The following GTF3C3 variants were observed in gnomAD, a reference collection of about 807,000 sequenced individuals.
GTF3C3 encodes the protein general transcription factor 3C polypeptide 3.
A neutral mutation model predicts 105.2 loss-of-function variants in GTF3C3; 75 were observed. The ratio of observed to expected loss-of-function variants is 0.71; its 90% CI spans 0.59 to 0.86. The LOEUF is 0.86. GTF3C3 is among the 40% of genes least tolerant of loss of function. GTF3C3 has a pLI of 0.00. For missense variants in GTF3C3, 856 were observed against 1,076.5 expected (o/e 0.80, Z 2.87); for synonymous variants, 335 against 370.4 (o/e 0.90, Z 1.10).
At position 196,785,477 on chromosome 2, in the gene GTF3C3, T is replaced by G. The variant is rs762400738; in HGVS notation, c.1005A>C (p.Leu335=). 2.5e-6 allele frequency: 4 copies of G among 1,610,328 alleles called. No homozygotes were observed. In the Admixed American group the frequency reaches 5.0e-5, roughly 20 times the overall value. ...SMEDVNIAAE[L]YISNKQYDKA... Reference sequence around the variant, plus strand: ...TGTCATACTGTTTGTTAGAAATATATAGTTCAGCTGCTATGTTAACATCTT... The same window carrying G: ...TGTCATACTGTTTGTTAGAAATATAGAGTTCAGCTGCTATGTTAACATCTT... The change falls in exon 7 of 18, where the codon CTA becomes CTC. Residue 335 remains leucine (L), a synonymous_variant. Transcript: ENST00000263956.
In GTF3C3 at chr2:196,781,349, A is replaced by ATATATATATATAT. The variant is rs1226821935; in HGVS notation, c.1115-688_1115-687insATATATATATATA. On this transcript the variant is annotated intron_variant, in intron 8 of 17. Coordinates refer to ENST00000263956, the MANE Select transcript of GTF3C3 (RefSeq NM_012086.5). Reference sequence around the variant, plus strand: ...GATCAAAAATGTTAAGGGGAAAAAAAAAAAAAAAATATATATATATATATA... The same window carrying ATATATATATATAT: ...GATCAAAAATGTTAAGGGGAAAAAAATATATATATATATAAAAAAAAATATATATATATATATA... Among the ~76,000 whole-genome samples, 5 of 22,860 alleles carry ATATATATATATAT rather than the reference A, an allele frequency of 2.2e-4. No individual in the cohort carries two copies. In the East Asian group the frequency reaches 0.012, roughly 53 times the overall value. 15.0% of individuals were successfully genotyped at this position (22,860 alleles called of 152,430 possible).
rs1040754510 is a variant in GTF3C3 at position 196,786,966 on chromosome 2, A to G, written c.894-1378T>C. 6.6e-6 allele frequency among the ~76,000 whole-genome samples: 1 copy of G among 152,090 alleles called. No individual in the cohort carries two copies. Among genetic ancestry groups the G allele is most frequent in the Admixed American group, 6.6e-5 (1 of 15,256 alleles). On this transcript the variant is annotated intron_variant, in intron 6 of 17. Coordinates refer to ENST00000263956, the MANE Select transcript of GTF3C3 (RefSeq NM_012086.5). This position sits in a 1 kb window ranked among gnomAD's most constrained non-coding sequence, Gnocchi z 4.2. ...TCTTTCTTCAATTAAATTCTAGAAC[A>G]TCATGCTGTTCTCAGTTTCCTGCTA...
At position 196,781,342 on chromosome 2, in the gene GTF3C3, G is replaced by GAAAA. The variant is rs769914255; in HGVS notation, c.1115-684_1115-681dup. On this transcript the variant is annotated intron_variant, in intron 8 of 17. Transcript: ENST00000263956. Reference sequence around the variant, plus strand: ...AACTGCAGATCAAAAATGTTAAGGGGAAAAAAAAAAAAAAAATATATATAT... The same window carrying GAAAA: ...AACTGCAGATCAAAAATGTTAAGGGGAAAAAAAAAAAAAAAAAAAATATATATAT... Among the ~76,000 whole-genome samples, 18 of 31,452 alleles carry GAAAA rather than the reference G, an allele frequency of 5.7e-4. 1 individual carries two copies. Among genetic ancestry groups the GAAAA allele is most frequent in the African/African-American group, 7.2e-4 (6 of 8,346 alleles). The allele number at this position is 31,452 out of a possible 152,430, so 20.6% of individuals were successfully genotyped here.
Position 196,799,612 on chromosome 2 carries a change from G to A in GTF3C3, c.-1C>T. 1.2e-6 allele frequency: 2 copies of A among 1,600,898 alleles called. No homozygotes were observed. The highest frequency in any genetic ancestry group is 1.7e-6 in the Non-Finnish European group (2 of 1,167,954). On this transcript the variant is annotated 5_prime_UTR_variant, in exon 1 of 18. Coordinates refer to ENST00000263956, the MANE Select transcript of GTF3C3 (RefSeq NM_012086.5). ...TGAGTTCCGGACTGAACCCTGACAT[G>A]TTTACAGGGTCTGTCTGTGCAACCC...
intron 2 of GTF3C3, 148 bp downstream of exon 2, chr2:196,797,649 C>T: frequency 1.8e-6 from 1 of 560,636 alleles, no homozygotes; most frequent in South Asian, 2.5e-5. Context: ...ATTTATTGGG[C>T]ACCTACTATA....
intron 2 of GTF3C3, among the ~76,000 whole-genome samples, chr2:196,796,416 T>TA (rs1418000761): frequency 6.6e-6 from 1 of 152,178 alleles, no homozygotes; most frequent in African/African-American, 2.4e-5. Flanking sequence ...AGTAGCAACT[T>TA]AAACACCTGA....
Position 196,797,899 on chromosome 2 carries a change from C to G in GTF3C3, c.112G>C (p.Glu38Gln). The G allele has an allele frequency of 6.3e-7, 1 of 1,575,746 alleles. No individual in the cohort carries two copies. The highest frequency in any genetic ancestry group is 8.7e-7 in the Non-Finnish European group (1 of 1,145,110). The change falls in exon 2 of 18, where the codon GAA becomes CAA. Residue 38 changes from glutamate to glutamine, a missense_variant. By Grantham distance (29) the Glu-to-Gln change is conservative. Transcript: ENST00000263956. ...RKTREKKSLQ[E>Q]KGKLSAEENP... ...TCTTCAGCTGATAACTTGCCTTTTTCCTGAAGACTCTGTGATTGCAAATTA... is the reference window on the plus strand; with the variant it reads ...TCTTCAGCTGATAACTTGCCTTTTTGCTGAAGACTCTGTGATTGCAAATTA...
At chr2:196,793,780 A>C (rs1559306580) in intron 2 of GTF3C3, among the ~76,000 whole-genome samples, 2 of 152,352 alleles carry the variant, frequency 1.3e-5, no homozygotes, top group East Asian at 1.9e-4. Flanking sequence ...TATTTCAGGA[A>C]AAAAATAACA....
chr2:196,770,429 G>A (rs1023428233), intron 15 of GTF3C3, among the ~76,000 whole-genome samples: 2 of 152,176 alleles, frequency 1.3e-5, no homozygotes, highest in African/African-American at 4.8e-5. Context: ...CAACTGATCT[G>A]TTTTATAAAT....
chr2:196,786,824 C>T lies in GTF3C3; in HGVS notation c.894-1236G>A, dbSNP rs1699459833. 6.6e-6 allele frequency among the ~76,000 whole-genome samples: 1 copy of T among 152,086 alleles called. No homozygotes were observed. The highest frequency in any genetic ancestry group is 2.4e-5 in the African/African-American group (1 of 41,396). On this transcript the variant is annotated intron_variant, in intron 6 of 17. Transcript: ENST00000263956. The surrounding 1 kb of genome is among the most constrained non-coding windows in gnomAD (Gnocchi z 4.2). ...ACCTAATCCAATCAACTTTTCCTCT[C>T]CCCATTCTGCCAATATTTCCAATCT...
chr2:196,785,684 C>A (rs1225867284), intron 6 of GTF3C3, 96 bp from the exon 7 acceptor site: 1 of 707,264 alleles, frequency 1.4e-6, no homozygotes. Flanking sequence ...CAGTGATTTT[C>A]ATTTTCTTAG....
chr2:196,776,557 A>G lies in GTF3C3; in HGVS notation c.1463T>C (p.Leu488Pro). 1 of 1,614,092 alleles carries G rather than the reference A, an allele frequency of 6.2e-7. No homozygotes were observed. The highest frequency in any genetic ancestry group is 8.5e-7 in the Non-Finnish European group (1 of 1,179,960). ...SYGKVVDLAP[L>P]HLDARISLST... is the part of the protein sequence containing the mutation. Reference sequence around the variant, plus strand: ...AAGTGAAATCCTTGCATCCAAATGGAGTGGGGCCAGATCAACCACCTTGCC... The same window carrying G: ...AAGTGAAATCCTTGCATCCAAATGGGGTGGGGCCAGATCAACCACCTTGCC... Residue 488 changes from leucine (L) to proline (P), a missense_variant, in exon 11 of 18, where the codon CTC becomes CCC. By Grantham distance (98) the Leu-to-Pro change is moderately conservative (BLOSUM62 -3). Transcript: ENST00000263956. The surrounding 1 kb of genome is among the most constrained non-coding windows in gnomAD (Gnocchi z 4.5).
In GTF3C3 at chr2:196,790,036, G is replaced by A. The variant is rs758634860; in HGVS notation, c.570C>T (p.Ala190=). 3 of 1,611,138 alleles carry A rather than the reference G, an allele frequency of 1.9e-6. No individual in the cohort carries two copies. The East Asian group carries it at 6.7e-5, about 36-fold the overall frequency. Residue 190 remains alanine (A), a synonymous_variant, in exon 5 of 18, where the codon GCC becomes GCT. Coordinates refer to ENST00000263956, the MANE Select transcript of GTF3C3 (RefSeq NM_012086.5). The stretch of plus-strand genomic sequence containing the variant: ...TGTCACCTTGGTCCTCATATATCAT[G>A]GCTAGAGTAGAGAATGGCTCATAAG... ...PLAYEPFSTL[A]MIYEDQGDME...
chr2:196,787,611 C>G (rs1241755765), intron 6 of GTF3C3, among the ~76,000 whole-genome samples: 2 of 152,104 alleles, frequency 1.3e-5, no homozygotes, highest in Admixed American at 1.3e-4. Context: ...CTTCTCTAAC[C>G]AGTCTATCTT....
intron 6 of GTF3C3, among the ~76,000 whole-genome samples, chr2:196,788,533 T>C (rs906267017): frequency 4.6e-5 from 7 of 152,160 alleles, no homozygotes; most frequent in African/African-American, 7.2e-5. Context: ...GATAAAATAA[T>C]AGAAGATCCC....
In GTF3C3 at chr2:196,771,821, G is replaced by A; in HGVS notation, c.2187C>T (p.Asn729=). The change falls in exon 15 of 18, where the codon AAC becomes AAT. Residue 729 remains asparagine (N), a synonymous_variant. Transcript: ENST00000263956. ...AGACACATAGGGCATGATTTTCTGGGTTTTTCAGCATCAAACGGAGACAGA... is the reference window on the plus strand; with the variant it reads ...AGACACATAGGGCATGATTTTCTGGATTTTTCAGCATCAAACGGAGACAGA... The part of the protein sequence containing the change: ...HRFCLRLMLK[N]PENHALCVLN... The A allele has an allele frequency of 1.2e-6, 2 of 1,613,024 alleles. No homozygotes were observed. Among genetic ancestry groups the A allele is most frequent in the Non-Finnish European group, 1.7e-6 (2 of 1,179,002 alleles).
chr2:196,770,756 A>G (rs1699157889), intron 15 of GTF3C3, among the ~76,000 whole-genome samples: 1 of 152,214 alleles, frequency 6.6e-6, no homozygotes, highest in South Asian at 2.1e-4. Context: ...ATGGCACCAC[A>G]GAATCTCTTA....
intron 16 of GTF3C3, among the ~76,000 whole-genome samples, chr2:196,767,211 C>CA (rs1316566602): frequency 6.6e-6 from 1 of 152,064 alleles, no homozygotes; most frequent in Admixed American, 6.6e-5. Flanking sequence ...CCTCTTAACC[C>CA]AAAAAAACTG....
At chr2:196,778,325 T>G (rs1699291675) in intron 10 of GTF3C3, 1 of 152,350 alleles carries the variant, frequency 6.6e-6, no homozygotes, top group Non-Finnish European at 1.5e-5. Flanking sequence ...AATGCATCTT[T>G]TATGTTGACT....
Sources: allele counts gnomAD v4.1 joint callset (sites outside exome capture counted in the v4.1 genomes callset), GRCh38; gene constraint gnomAD v4.1.1; non-coding constraint Gnocchi (gnomAD v3.1); transcripts MANE v1.5; gene names NCBI Gene and HGNC (gene_info 2026-07-23, HGNC 2026-07-21).